Variants in ADGRA2 observed in about 807,000 individuals in gnomAD.
The protein encoded by ADGRA2 is adhesion G protein-coupled receptor A2, also known as G-protein coupled receptor 124.
Under a neutral mutation model 98.7 loss-of-function variants are expected in ADGRA2, and 61 were observed. The observed-to-expected ratio is 0.62, with a 90% CI of 0.50 to 0.76. The LOEUF is 0.76. Among genes scored for constraint, ADGRA2 ranks in the 30% least tolerant of loss-of-function variants. The pLI is 0.00. For synonymous variants in ADGRA2, 858 were observed against 831.5 expected (o/e 1.03, Z -0.55); for missense variants, 1,712 against 1,860.0 (o/e 0.92, Z 1.46).
At position 37,834,081 on chromosome 8, in the gene ADGRA2, C is replaced by A. The variant is rs201586378; in HGVS notation, c.1561C>A (p.Arg521Ser). ...ACSRIVGALE[R>S]IGGAALSPHA... ...CAGCCGCATCGTGGGTGCCCTGGAG[C>A]GCATTGGGGGGGCCGCCCTCAGCCC... Residue 521 changes from arginine to serine, a missense_variant, in exon 11 of 19, where the codon CGC (arginine) becomes AGC (serine). Transcript: ENST00000412232. The surrounding 1 kb of genome is among the most constrained non-coding windows in gnomAD (Gnocchi z 4.2). 2 of 1,612,726 alleles carry A rather than the reference C, an allele frequency of 1.2e-6. No homozygotes were observed. Among genetic ancestry groups the A allele is most frequent in the Non-Finnish European group, 1.7e-6 (2 of 1,179,902 alleles).
At position 37,830,937 on chromosome 8, in the gene ADGRA2, T is replaced by C. The variant is rs1308340049; in HGVS notation, c.932+14T>C. 1 of 1,552,008 alleles carries C rather than the reference T, an allele frequency of 6.4e-7. No individual in the cohort carries two copies. The highest frequency in any genetic ancestry group is 1.9e-5 in the Admixed American group (1 of 52,028). On this transcript the variant is annotated intron_variant, in intron 7 of 18. Transcript: ENST00000412232. The surrounding 1 kb of genome is among the most constrained non-coding windows in gnomAD (Gnocchi z 4.8). The stretch of plus-strand genomic sequence containing the variant: ...CTTCATCACCAGGTATGAGCCCCGC[T>C]GCCCCTCCTCAGGCCTCAGCATGGG...
At position 37,834,909 on chromosome 8, in the gene ADGRA2, C is replaced by A. The variant is rs111775553; in HGVS notation, c.1609-265C>A. 1.3e-3 allele frequency among the ~76,000 whole-genome samples: 191 copies of A among 152,098 alleles called. 2 individuals carry two copies. The highest frequency in any genetic ancestry group is 3.5e-3 in the African/African-American group (146 of 41,498). ...GGGCATGGTAGCATGCCTGTAGTCC[C>A]AGATACTCAGGAGGCTGAGGTGGGA... On this transcript the variant is annotated intron_variant, in intron 11 of 18. Transcript: ENST00000412232. The surrounding 1 kb of genome is among the most constrained non-coding windows in gnomAD (Gnocchi z 4.2).
chr8:37,806,554 G>A (rs373106216), intron 1 of ADGRA2, among the ~76,000 whole-genome samples: 1 of 62,582 alleles, frequency 1.6e-5, no homozygotes, highest in African/African-American at 1.3e-4. Flanking sequence ...AGACAGAGTC[G>A]AGTCTCACTC....
chr8:37,815,862 A>G (rs566527676), intron 2 of ADGRA2, among the ~76,000 whole-genome samples: 1 of 152,220 alleles, frequency 6.6e-6, no homozygotes, highest in East Asian at 1.9e-4. Context: ...TTGCCCCTCC[A>G]CAGAGGAAGC....
chr8:37,831,437 C>G lies in ADGRA2; in HGVS notation c.947C>G (p.Ser316Cys). Residue 316 changes from serine to cysteine, a missense_variant, in exon 8 of 19, where the codon TCT becomes TGT. Coordinates refer to ENST00000412232, the MANE Select transcript of ADGRA2 (RefSeq NM_032777.10). ...GCCACCCGCAGTGAGCTGACGCTGTCTCACATCGGCGTGTGGGCCTCAGGC... is the reference window on the plus strand; with the variant it reads ...GCCACCCGCAGTGAGCTGACGCTGTGTCACATCGGCGTGTGGGCCTCAGGC... ...CTFITSELTL[S>C]HIGVWASGEW... 1 of 1,611,782 alleles carries G rather than the reference C, an allele frequency of 6.2e-7. No homozygotes were observed. Among genetic ancestry groups the G allele is most frequent in the Non-Finnish European group, 8.5e-7 (1 of 1,179,996 alleles).
chr8:37,800,273 G>A (rs150937135), intron 1 of ADGRA2, among the ~76,000 whole-genome samples: 4 of 152,342 alleles, frequency 2.6e-5, no homozygotes, highest in African/African-American at 9.6e-5. Context: ...TATGGACCGG[G>A]AGGTGGGAGG....
chr8:37,815,274 GCCT>G (rs1289234439), intron 2 of ADGRA2, among the ~76,000 whole-genome samples: 1 of 152,254 alleles, frequency 6.6e-6, no homozygotes, highest in African/African-American at 2.4e-5. Context: ...CTCTCGACTG[GCCT>G]CCCCCTCGCA....
rs1356801913 is a variant in ADGRA2, at chr8:37,802,584, G to A, written c.266+5050G>A. On this transcript the variant is annotated intron_variant, in intron 1 of 18. Coordinates refer to ENST00000412232, the MANE Select transcript of ADGRA2 (RefSeq NM_032777.10). The surrounding 1 kb of genome is among the most constrained non-coding windows in gnomAD (Gnocchi z 4.7). ...GGTCTTAGCTGCGGCACCCCCACCC[G>A]GGCTCCGGGACCTCGCCTGTTCAAA... Among the ~76,000 whole-genome samples the A allele has an allele frequency of 6.6e-6, 1 of 152,112 alleles. No individual in the cohort carries two copies. The highest frequency in any genetic ancestry group is 1.5e-5 in the Non-Finnish European group (1 of 68,008).
chr8:37,841,544 A>G lies in ADGRA2; in HGVS notation c.3206A>G (p.His1069Arg), dbSNP rs1448236587. The change falls in exon 19 of 19, where the codon CAC (histidine) becomes CGC (arginine). Residue 1069 changes from histidine (H) to arginine (R), a missense_variant. Physicochemically the swap from His to Arg is conservative, Grantham distance 29 (BLOSUM62 0). Coordinates refer to ENST00000412232, the MANE Select transcript of ADGRA2 (RefSeq NM_032777.10). This position sits in a 1 kb window ranked among gnomAD's most constrained non-coding sequence, Gnocchi z 5.0. ...SALGLFVFTH[H>R]CARRRDVRAS... ...CTGGGCCTCTTCGTCTTCACTCACC[A>G]CTGTGCCAGGCGGAGGGACGTGAGA... 9.9e-6 allele frequency: 16 copies of G among 1,611,616 alleles called. No homozygotes were observed. The highest frequency in any genetic ancestry group is 1.3e-5 in the Non-Finnish European group (15 of 1,179,568).
At position 37,831,974 on chromosome 8, in the gene ADGRA2, C is replaced by T. The variant is rs560836055; in HGVS notation, c.1097+387C>T. ...ACTCAGGAGGCTGAGGCAGGAGAAT[C>T]GCTTGAACCCAGGAGGCGGAGGTTG... On this transcript the variant is annotated intron_variant, in intron 8 of 18. Transcript: ENST00000412232. Among the ~76,000 whole-genome samples, 106 of 152,264 alleles carry T rather than the reference C, an allele frequency of 7.0e-4. 2 individuals are homozygous for T. In the South Asian group the frequency reaches 0.021, roughly 30 times the overall value.
Position 37,830,869 on chromosome 8 carries a change from A to G in ADGRA2, c.878A>G (p.Gln293Arg), listed in dbSNP as rs1046858116. 17 of 1,593,848 alleles carry G rather than the reference A, an allele frequency of 1.1e-5. No homozygotes were observed. The highest frequency in any genetic ancestry group is 1.5e-5 in the Non-Finnish European group (17 of 1,170,420). Residue 293 changes from glutamine to arginine, a missense_variant, in exon 7 of 19, where the codon CAG becomes CGG. Physicochemically the swap from Gln to Arg is conservative, Grantham distance 43. Coordinates refer to ENST00000412232, the MANE Select transcript of ADGRA2 (RefSeq NM_032777.10). The surrounding 1 kb of genome is among the most constrained non-coding windows in gnomAD (Gnocchi z 4.8). ...CGAGCCCCTGTGGAGGGTGATGAGC[A>G]GGCGGGCATCCTCCTGGCCGAGAGC... ...HNRAPVEGDE[Q>R]AGILLAESLI...
rs893564766 is a variant in ADGRA2, at chr8:37,830,154, T to C, written c.718+140T>C. 19 of 551,952 alleles carry C rather than the reference T, an allele frequency of 3.4e-5. No homozygotes were observed. The highest frequency in any genetic ancestry group is 3.2e-4 in the African/African-American group (17 of 52,586). The allele number at this position is 551,952 out of a possible 1,614,324, so 34.2% of individuals were successfully genotyped here. ...TGCAAAAGACCACGACACTGAGTCC[T>C]GCTCTTGCATTTAGGGAGACCTTAT... On this transcript the variant is annotated intron_variant, in intron 6 of 18. Transcript: ENST00000412232. This position sits in a 1 kb window ranked among gnomAD's most constrained non-coding sequence, Gnocchi z 4.8.
chr8:37,814,919 C>T lies in ADGRA2; in HGVS notation c.290C>T (p.Thr97Met), dbSNP rs763577512. ...VTLLLSNNKI[T>M]GLRNGSFLGL... ...AGGCTCTTGAGCAATAACAAGATCACGGGGCTCCGCAATGGCTCCTTCCTG... is the reference window on the plus strand; with the variant it reads ...AGGCTCTTGAGCAATAACAAGATCATGGGGCTCCGCAATGGCTCCTTCCTG... Residue 97 changes from threonine to methionine, a missense_variant, in exon 2 of 19, where the codon ACG becomes ATG. Physicochemically the swap from Thr to Met is moderately conservative, Grantham distance 81. Transcript: ENST00000412232. The surrounding 1 kb of genome is among the most constrained non-coding windows in gnomAD (Gnocchi z 4.3). 6 of 1,612,614 alleles carry T rather than the reference C, an allele frequency of 3.7e-6. No individual in the cohort carries two copies. Among genetic ancestry groups the T allele is most frequent in the East Asian group, 2.2e-5 (1 of 44,876 alleles).
chr8:37,811,326 C>T lies in ADGRA2; in HGVS notation c.267-3570C>T, dbSNP rs1226654909. On this transcript the variant is annotated intron_variant, in intron 1 of 18. Transcript: ENST00000412232. Reference sequence around the variant, plus strand: ...CTGGGATTACAGGCGCCTGCCACCACGCCTGGCTAATTTTTTTGTATTTTT... The same window carrying T: ...CTGGGATTACAGGCGCCTGCCACCATGCCTGGCTAATTTTTTTGTATTTTT... Among the ~76,000 whole-genome samples the T allele has an allele frequency of 2.6e-5, 4 of 151,060 alleles. No homozygotes were observed. The South Asian group carries it at 6.3e-4, about 24-fold the overall frequency.
intron 9 of ADGRA2, 71 bp downstream of exon 9, chr8:37,833,279 G>A (rs897484774): frequency 8.1e-7 from 1 of 1,233,956 alleles, no homozygotes; most frequent in South Asian, 1.4e-5. Context: ...CAACCTAACG[G>A]GCAAGGGGAG....
intron 2 of ADGRA2, among the ~76,000 whole-genome samples, chr8:37,826,741 C>T (rs1563346108): frequency 6.6e-6 from 1 of 152,206 alleles, no homozygotes; most frequent in Non-Finnish European, 1.5e-5. Flanking sequence ...CAGCGGGCAG[C>T]CGGCTTGGTT....
Position 37,837,869 on chromosome 8 carries a change from A to G in ADGRA2, c.2189A>G (p.Gln730Arg). Residue 730 changes from glutamine to arginine, a missense_variant, in exon 14 of 19, where the codon CAG becomes CGG. Gln to Arg is a conservative substitution (Grantham distance 43). Transcript: ENST00000412232. ...GGGGGCTGGACCTCGGAGGGCTGCC[A>G]GCTCCGCTCCAGCCAGCCCAATGTC... Reference protein sequence around the residue: ...EAGGWTSEGCQLRSSQPNVSA... With the variant: ...EAGGWTSEGCRLRSSQPNVSA... The G allele has an allele frequency of 6.7e-7, 1 of 1,500,934 alleles. No individual in the cohort carries two copies. Among genetic ancestry groups the G allele is most frequent in the South Asian group, 1.3e-5 (1 of 74,470 alleles). The allele number at this position is 1,500,934 out of a possible 1,614,324, so 93.0% of individuals were successfully genotyped here. A position where few individuals can be genotyped will look rare whatever the true frequency, so the allele number is the denominator to read the frequency against.
chr8:37,811,119 CAAAAA>C (rs1158782949), intron 1 of ADGRA2, among the ~76,000 whole-genome samples: 2 of 68,624 alleles, frequency 2.9e-5, no homozygotes, highest in African/African-American at 5.0e-5. Context: ...GTCTCAAAAA[CAAAAA>C]AAAAAAAAAA....
chr8:37,829,359 G>A (rs369450607), intron 4 of ADGRA2, 27 bp downstream of exon 4: 14 of 1,595,376 alleles, frequency 8.8e-6, no homozygotes, highest in South Asian at 1.1e-5. Context: ...GAAGTGGGGA[G>A]GGGAGGAGAG....
Sources: gnomAD v4.1 joint callset for allele counts (sites outside exome capture counted in the v4.1 genomes callset) on GRCh38, gnomAD v4.1.1 for gene constraint, Gnocchi (gnomAD v3.1) non-coding constraint, MANE v1.5 for transcripts, NCBI Gene and HGNC (gene_info 2026-07-23, HGNC 2026-07-21) for gene names.